Variants in ZNF568 observed in about 807,000 individuals in gnomAD.
ZNF568 encodes the protein zinc finger protein 568.
ZNF568 carries 11 observed loss-of-function variants against 18.1 expected under a neutral mutation model. The ratio of observed to expected loss-of-function variants is 0.61; its 90% CI spans 0.38 to 1.00. The LOEUF is 1.00. Among genes scored for constraint, ZNF568 ranks in the 50% least tolerant of loss-of-function variants. The pLI, the probability that ZNF568 is intolerant of heterozygous loss-of-function variation, is 0.01. For missense variants in ZNF568, 639 were observed against 768.2 expected, an observed-to-expected ratio of 0.83 and a Z score of 1.99; for synonymous variants, 213 against 246.6, an observed-to-expected ratio of 0.86 and a Z score of 1.28.
chr19:36,925,103 C>T (rs1177006524), intron 3 of ZNF568, 97 bp from the exon 4 acceptor site: 4 of 994,576 alleles, frequency 4.0e-6, no homozygotes, highest in Non-Finnish European at 6.4e-6. Context: ...AAGGATCATT[C>T]ATCTGTAGAG....
chr19:36,917,213 C>A (rs2073355710), intron 1 of ZNF568, among the ~76,000 whole-genome samples: 1 of 152,188 alleles, frequency 6.6e-6, no homozygotes, highest in Non-Finnish European at 1.5e-5. Context: ...ATCTGCGCCG[C>A]ATGTGTTCTT....
Position 36,926,520 on chromosome 19 carries a change from G to T in ZNF568, c.135+1262G>T, listed in dbSNP as rs1970754647. 2.0e-5 allele frequency among the ~76,000 whole-genome samples: 3 copies of T among 152,118 alleles called. No homozygotes were observed. The South Asian group carries it at 6.2e-4, about 31-fold the overall frequency. The stretch of plus-strand genomic sequence containing the variant: ...AGTTTCTTAATCTTTTTGTGACTCA[G>T]TTACATCATCTGTAAGTCTATAAAT... On this transcript the variant is annotated intron_variant, in intron 4 of 6. Transcript: ENST00000333987.
chr19:36,957,999 G>T (rs2074120517), intron 6 of ZNF568, among the ~76,000 whole-genome samples: 1 of 152,092 alleles, frequency 6.6e-6, no homozygotes, highest in South Asian at 2.1e-4. Flanking sequence ...TTGGATTTTT[G>T]TCAAGTGATT....
At chr19:36,984,823 A>G (rs1465149604), downstream of ZNF568, among the ~76,000 whole-genome samples, 1 of 150,676 alleles carries the variant, frequency 6.6e-6, no homozygotes, top group African/African-American at 2.4e-5. Context: ...TTTTTTCTGT[A>G]GATAATCTAT....
exon 5 of ZNF568, chr19:36,996,754 A>G: frequency 6.5e-7 from 1 of 1,542,690 alleles, no homozygotes; most frequent in African/African-American, 1.4e-5. Context: ...TTCTGGAATT[A>G]CTCAACCTCA....
intron 4 of ZNF568, among the ~76,000 whole-genome samples, chr19:36,929,818 C>T (rs978875782): frequency 4.0e-5 from 6 of 151,844 alleles, no homozygotes; most frequent in African/African-American, 1.4e-4. Flanking sequence ...GGCACTGCTC[C>T]AGCTTAGGTG....
At chr19:36,933,924 G>GTTTTTTTTTTTTTTTTTTTGTTTTTTTT (rs140279289) in intron 4 of ZNF568, among the ~76,000 whole-genome samples, 2 of 29,964 alleles carry the variant, frequency 6.7e-5, no homozygotes, top group South Asian at 9.1e-4. Flanking sequence ...TTGTTTTTTT[G>GTTTTTTTTTTTTTTTTTTTGTTTTTTTT]TTTTTTTTTT....
intron 6 of ZNF568, among the ~76,000 whole-genome samples, chr19:36,959,565 A>C (rs983334345): frequency 6.6e-6 from 1 of 151,990 alleles, no homozygotes; most frequent in Non-Finnish European, 1.5e-5. Flanking sequence ...TTATTTTTTG[A>C]AATAGTTTCA....
chr19:36,992,895 A>G (rs2074438279), intron 4 of ZNF568, among the ~76,000 whole-genome samples: 2 of 152,216 alleles, frequency 1.3e-5, no homozygotes, highest in Non-Finnish European at 2.9e-5. Flanking sequence ...ATCACACAAC[A>G]TATAATTTAT....
chr19:36,940,855 C>A (rs1257788646), intron 6 of ZNF568, among the ~76,000 whole-genome samples: 2 of 152,018 alleles, frequency 1.3e-5, no homozygotes, highest in Non-Finnish European at 2.9e-5. Context: ...GAAAACATAA[C>A]AAAATGTTTG....
rs770318964 is a variant in ZNF568, at chr19:36,922,681, C to A, written c.-90C>A. The A allele has an allele frequency of 1.8e-6, 2 of 1,115,078 alleles. No homozygotes were observed. Among genetic ancestry groups the A allele is most frequent in the African/African-American group, 1.5e-5 (1 of 64,916 alleles). The allele number at this position is 1,115,078 out of a possible 1,614,324, so 69.1% of individuals were successfully genotyped here. Reference sequence around the variant, plus strand: ...GGAAGGAGACCTGACCTGAGACCTGCCTTAGAGGCTGGAGAGTCCTGAAAG... The same window carrying A: ...GGAAGGAGACCTGACCTGAGACCTGACTTAGAGGCTGGAGAGTCCTGAAAG... On this transcript the variant is annotated 5_prime_UTR_variant, in exon 3 of 7. Coordinates refer to ENST00000333987, the MANE Select transcript of ZNF568 (RefSeq NM_198539.4).
At chr19:36,972,286 T>C (rs1008830787) in intron 6 of ZNF568, among the ~76,000 whole-genome samples, 3 of 152,192 alleles carry the variant, frequency 2.0e-5, no homozygotes, top group Non-Finnish European at 4.4e-5. Context: ...TTCCAGGTCC[T>C]AAAGTATTTC....
chr19:36,953,485 G>A (rs551489998), downstream of ZNF568, among the ~76,000 whole-genome samples: 38 of 152,286 alleles, frequency 2.5e-4, no homozygotes, highest in Admixed American at 3.3e-4. Flanking sequence ...AGCACTAATA[G>A]TAGAGTTCCT....
At chr19:36,942,963 TTC>T (rs1296372352) in intron 6 of ZNF568, among the ~76,000 whole-genome samples, 1 of 152,206 alleles carries the variant, frequency 6.6e-6, no homozygotes, top group Non-Finnish European at 1.5e-5. Context: ...ACATTCTTAG[TTC>T]ACAGACTATA....
At chr19:36,997,238 TTA>T, downstream of ZNF568, 2 of 1,608,446 alleles carry the variant, frequency 1.2e-6, no homozygotes, top group Non-Finnish European at 8.5e-7. Flanking sequence ...GGGAAAGCCT[TTA>T]TCTCTGATTC....
intron 2 of ZNF568, among the ~76,000 whole-genome samples, chr19:36,989,033 C>T (rs563432568): frequency 1.1e-4 from 16 of 152,310 alleles, no homozygotes; most frequent in Admixed American, 5.2e-4. Context: ...TACTGTTCTG[C>T]TCTCTGCTTC....
chr19:36,988,030 G>A (rs2146346544), intron 2 of ZNF568, among the ~76,000 whole-genome samples: 1 of 152,216 alleles, frequency 6.6e-6, no homozygotes, highest in South Asian at 2.1e-4. Flanking sequence ...GAGAAACCTA[G>A]GGTATAAATT....
intron 3 of ZNF568, chr19:36,991,420 T>A: frequency 7.8e-7 from 1 of 1,275,530 alleles, no homozygotes; most frequent in Non-Finnish European, 1.0e-6. Flanking sequence ...CTGGATGAGT[T>A]AATGTTTCTT....
At chr19:36,946,545 C>T (rs746470491) in intron 6 of ZNF568, among the ~76,000 whole-genome samples, 7 of 151,314 alleles carry the variant, frequency 4.6e-5, no homozygotes, top group African/African-American at 9.7e-5. Context: ...ATTAGTTTAC[C>T]TCATTTTGAT....
Sources: gnomAD v4.1 joint callset for allele counts (sites outside exome capture counted in the v4.1 genomes callset) on GRCh38, gnomAD v4.1.1 for gene constraint, MANE v1.5 for transcripts, NCBI Gene and HGNC (gene_info 2026-07-23, HGNC 2026-07-21) for gene names.